The following MAF variants were observed in gnomAD, a reference collection of about 807,000 sequenced individuals.
MAF encodes the protein transcription factor Maf.
In MAF, 10 loss-of-function variants were observed where a neutral mutation model predicts 22.0. The ratio of observed to expected loss-of-function variants is 0.45; its 90% CI spans 0.28 to 0.77. The LOEUF is 0.77. MAF is among the 30% of genes least tolerant of loss of function. The pLI is 0.12. For missense variants in MAF, 544 were observed against 548.4 expected, an observed-to-expected ratio of 0.99 and a Z score of 0.08; for synonymous variants, 337 against 255.8, an observed-to-expected ratio of 1.32 and a Z score of -3.03.
chr16:79,519,645 G>A, the MAF span, among the ~76,000 whole-genome samples: 3 of 152,230 alleles, frequency 2.0e-5, no homozygotes, highest in African/African-American at 7.2e-5. Flanking sequence ...CGGGTGGCCT[G>A]GCAGGAGTCC....
chr16:79,299,348 A>C, the MAF span, among the ~76,000 whole-genome samples: 1 of 86,240 alleles, frequency 1.2e-5, no homozygotes, highest in African/African-American at 4.6e-5. Flanking sequence ...AAAGAAAAAG[A>C]AAAAAAAAAA....
the MAF span, among the ~76,000 whole-genome samples, chr16:79,285,909 C>T: frequency 5.3e-5 from 8 of 152,194 alleles, no homozygotes; most frequent in African/African-American, 1.9e-4. Flanking sequence ...GCACAACTGG[C>T]TGAGCCAAAG....
the MAF span, among the ~76,000 whole-genome samples, chr16:79,481,039 T>C: frequency 6.6e-6 from 1 of 152,152 alleles, no homozygotes; most frequent in Non-Finnish European, 1.5e-5. Context: ...ACCTGTAGTG[T>C]GTATGTTTAT....
the MAF span, among the ~76,000 whole-genome samples, chr16:79,476,470 A>G: frequency 5.3e-5 from 8 of 152,232 alleles, no homozygotes; most frequent in African/African-American, 1.9e-4. Flanking sequence ...TGAAGTGTGC[A>G]TCGACATTTG....
the MAF span, among the ~76,000 whole-genome samples, chr16:79,560,370 G>A: frequency 6.6e-6 from 1 of 151,136 alleles, no homozygotes; most frequent in Non-Finnish European, 1.5e-5. Context: ...AAATTAAGTT[G>A]AACAAATACA....
chr16:79,246,540 T>TTGGGGGG, the MAF span, among the ~76,000 whole-genome samples: 1 of 101,370 alleles, frequency 9.9e-6, no homozygotes, highest in African/African-American at 3.5e-5. Flanking sequence ...AGGTTTTTTT[T>TTGGGGGG]GGGGGGGGTG....
the MAF span, among the ~76,000 whole-genome samples, chr16:79,353,690 C>A: frequency 6.6e-6 from 1 of 152,042 alleles, no homozygotes; most frequent in African/African-American, 2.4e-5. Context: ...GGAGAGGAGG[C>A]AACTGAGGTC....
At chr16:79,549,133 C>G in the MAF span, among the ~76,000 whole-genome samples, 2 of 152,076 alleles carry the variant, frequency 1.3e-5, no homozygotes, top group African/African-American at 2.4e-5. Flanking sequence ...AAAGTGCATA[C>G]ATATAGTTAA....
the MAF span, among the ~76,000 whole-genome samples, chr16:79,238,200 C>T: frequency 6.6e-6 from 1 of 152,074 alleles, no homozygotes; most frequent in Admixed American, 6.6e-5. Flanking sequence ...GGGACAGAGC[C>T]CAGCATCCCC....
the MAF span, among the ~76,000 whole-genome samples, chr16:79,451,626 T>C: frequency 6.6e-6 from 1 of 152,256 alleles, no homozygotes; most frequent in African/African-American, 2.4e-5. Context: ...AACATTCTTT[T>C]CTGAGTCAGC....
At chr16:79,505,411 G>A in the MAF span, among the ~76,000 whole-genome samples, 1 of 152,112 alleles carries the variant, frequency 6.6e-6, no homozygotes, top group African/African-American at 2.4e-5. Context: ...CTCAGTCACG[G>A]GACAGGGGGG....
chr16:79,231,893 G>A, the MAF span, among the ~76,000 whole-genome samples: 1 of 151,974 alleles, frequency 6.6e-6, no homozygotes, highest in Non-Finnish European at 1.5e-5. Context: ...TTATTTTCCT[G>A]CAACTAGACG....
At chr16:79,521,966 C>G in the MAF span, among the ~76,000 whole-genome samples, 1 of 152,180 alleles carries the variant, frequency 6.6e-6, no homozygotes, top group South Asian at 2.1e-4. Flanking sequence ...AGGAGATCGA[C>G]TTCTCATTGA....
the MAF span, among the ~76,000 whole-genome samples, chr16:79,211,361 T>C: frequency 0.064 from 9,787 of 152,258 alleles, 437 homozygotes; most frequent in East Asian, 0.23. Context: ...TCCAAGCCTG[T>C]CCCTGTATGA....
chr16:79,593,187 G>A (rs1913285583), downstream of MAF, among the ~76,000 whole-genome samples: 1 of 152,164 alleles, frequency 6.6e-6, no homozygotes, highest in African/African-American at 2.4e-5. Context: ...AGTGTATTTC[G>A]TAAAGCCAAG....
At chr16:79,415,121 C>A in the MAF span, among the ~76,000 whole-genome samples, 1 of 152,242 alleles carries the variant, frequency 6.6e-6, no homozygotes, top group Non-Finnish European at 1.5e-5. Flanking sequence ...TCTTTGAGAG[C>A]AGCTCTAACA....
chr16:79,405,012 C>T, the MAF span, among the ~76,000 whole-genome samples: 9 of 152,262 alleles, frequency 5.9e-5, no homozygotes, highest in Middle Eastern at 3.4e-3. Flanking sequence ...ACTGTGTCAC[C>T]GGGTACTGGA....
the MAF span, among the ~76,000 whole-genome samples, chr16:79,280,866 G>A: frequency 6.6e-6 from 1 of 152,200 alleles, no homozygotes; most frequent in African/African-American, 2.4e-5. Context: ...CTCTGATGCG[G>A]ATTCCTTATT....
chr16:79,585,713 A>T (rs1169517969), downstream of MAF: 1 of 554,578 alleles, frequency 1.8e-6, no homozygotes, highest in Non-Finnish European at 3.1e-6. Context: ...CATTTACATG[A>T]CACGTGAAAC....
Sources: gnomAD v4.1 joint callset for allele counts (sites outside exome capture counted in the v4.1 genomes callset) on GRCh38, gnomAD v4.1.1 for gene constraint, MANE v1.5 for transcripts, NCBI Gene and HGNC (gene_info 2026-07-23, HGNC 2026-07-21) for gene names.